The following MDN1 variants were observed in gnomAD, a reference collection of about 807,000 sequenced individuals.
MDN1 encodes midasin AAA ATPase 1.
MDN1 carries 266 observed loss-of-function variants against 669.2 expected under a neutral mutation model. That is an observed-to-expected ratio of 0.40 (90% confidence interval 0.36 to 0.44). The LOEUF (loss-of-function observed/expected upper bound fraction) is 0.44. MDN1 is among the 20% of genes least tolerant of loss of function. MDN1 has a pLI of 1.00. For synonymous variants in MDN1, 2,385 were observed against 2,457.1 expected (o/e 0.97, Z 0.87); for missense variants, 5,940 against 6,754.0 (o/e 0.88, Z 4.22).
chr6:89,659,980 C>G (rs142832513), intron 88 of MDN1, among the ~76,000 whole-genome samples: 1 of 152,226 alleles, frequency 6.6e-6, no homozygotes, highest in African/African-American at 2.4e-5. Flanking sequence ...CTCTGCCTCC[C>G]GGGTTCAAGC....
At position 89,754,103 on chromosome 6, in the gene MDN1, T is replaced by C; in HGVS notation, c.2944A>G (p.Ile982Val). 2 of 1,614,030 alleles carry C rather than the reference T, an allele frequency of 1.2e-6. No individual in the cohort carries two copies. The highest frequency in any genetic ancestry group is 8.5e-7 in the Non-Finnish European group (1 of 1,179,972). Residue 982 changes from isoleucine (I) to valine (V), a missense_variant, in exon 21 of 102, where the codon ATT becomes GTT. Ile to Val is a conservative substitution (Grantham distance 29). This residue lies in a region of MDN1 where 1,203 missense variants were observed against 1,268.9 expected (regional missense o/e 0.95). Transcript: ENST00000369393. ...AAGACCTCATAGAGTGAGCGCTGAA[T>C]GTTGCCACATGGATTGGAGGCTGCA... Reference protein sequence around the residue: ...RFAASNPCGNIQRSLYEGFCL... With the variant: ...RFAASNPCGNVQRSLYEGFCL...
intron 61 of MDN1, among the ~76,000 whole-genome samples, chr6:89,694,910 T>C (rs1812629872): frequency 6.6e-6 from 1 of 152,108 alleles, no homozygotes; most frequent in African/African-American, 2.4e-5. Context: ...ATTCCTAGGA[T>C]ATAGGGATAC....
At chr6:89,688,040 A>C in intron 67 of MDN1, 38 bp downstream of exon 67, 1 of 1,542,648 alleles carries the variant, frequency 6.5e-7, no homozygotes, top group Non-Finnish European at 9.0e-7. Context: ...TTGCCAACTG[A>C]CCACCAACTA....
intron 1 of MDN1, among the ~76,000 whole-genome samples, chr6:89,810,009 A>ATAAT (rs1280126995): frequency 6.8e-6 from 1 of 146,098 alleles, no homozygotes; most frequent in Non-Finnish European, 1.5e-5. Flanking sequence ...AAAAAAAAAA[A>ATAAT]AAAAAAAAAA....
In MDN1 at chr6:89,695,809, C is replaced by T. The variant is rs1450242529; in HGVS notation, c.9567G>A (p.Leu3189=). 2 of 1,613,730 alleles carry T rather than the reference C, an allele frequency of 1.2e-6. No homozygotes were observed. Among genetic ancestry groups the T allele is most frequent in the Non-Finnish European group, 1.7e-6 (2 of 1,180,014 alleles). Residue 3189 remains leucine (L), a synonymous_variant, in exon 61 of 102, where the codon CTG becomes CTA. Coordinates refer to ENST00000369393, the MANE Select transcript of MDN1 (RefSeq NM_014611.3). The surrounding 1 kb of genome is among the most constrained non-coding windows in gnomAD (Gnocchi z 4.1). ...GCAACTGGCAGAGCAGTTCCTTGGGCAGCACCTCCTGACCAGCCATGTCCC... is the reference window on the plus strand; with the variant it reads ...GCAACTGGCAGAGCAGTTCCTTGGGTAGCACCTCCTGACCAGCCATGTCCC... ...TLGDMAGQEV[L]PKELLCQLLT...
chr6:89,807,994 T>C (rs1190096087), intron 1 of MDN1, among the ~76,000 whole-genome samples: 1 of 152,156 alleles, frequency 6.6e-6, no homozygotes, highest in African/African-American at 2.4e-5. Flanking sequence ...TTTTATGTTT[T>C]TGAGAGTGAC....
intron 1 of MDN1, among the ~76,000 whole-genome samples, chr6:89,813,393 T>C (rs1156677108): frequency 4.0e-5 from 6 of 151,714 alleles, no homozygotes; most frequent in African/African-American, 1.5e-4. Flanking sequence ...CTACTAAAAA[T>C]ACAAAAAATT....
rs185148308 is a variant in MDN1, at chr6:89,659,783, T to C, written c.14714-866A>G. 2.2e-3 allele frequency among the ~76,000 whole-genome samples: 336 copies of C among 152,354 alleles called. 1 individual carries two copies. Among genetic ancestry groups the C allele is most frequent in the African/African-American group, 8.0e-3 (331 of 41,586 alleles). ...ACAGAAAATACAACTCACACTGAAA[T>C]AGAAACACTCTTATTTTGAAAAAGT... On this transcript the variant is annotated intron_variant, in intron 88 of 101. Coordinates refer to ENST00000369393, the MANE Select transcript of MDN1 (RefSeq NM_014611.3).
rs754250790 is a variant in MDN1 at position 89,652,992 on chromosome 6, C to T, written c.15825G>A (p.Gln5275=). The T allele has an allele frequency of 6.2e-6, 10 of 1,612,222 alleles. No individual in the cohort carries two copies. Among genetic ancestry groups the T allele is most frequent in the Non-Finnish European group, 8.5e-6 (10 of 1,179,514 alleles). Residue 5275 remains glutamine, a splice_region_variant and synonymous_variant, in exon 94 of 102, where the codon CAG becomes CAA. Coordinates refer to ENST00000369393, the MANE Select transcript of MDN1 (RefSeq NM_014611.3). The stretch of plus-strand genomic sequence containing the variant: ...TGCAGTAATTTGTGAGTTTTACTAC[C>T]TGGAAGATCGTGTCCATGAGGAATT... ...AHQFLMDTIF[Q]PFLKDVNELR...
intron 82 of MDN1, 47 bp downstream of exon 82, chr6:89,672,153 T>C (rs1427186828): frequency 1.3e-6 from 2 of 1,514,768 alleles, no homozygotes; most frequent in African/African-American, 2.8e-5. Context: ...CTGCCTTTGC[T>C]CAGTGCATTC....
chr6:89,750,527 T>C lies in MDN1; in HGVS notation c.3233A>G (p.Tyr1078Cys), dbSNP rs1816884425. Residue 1078 changes from tyrosine (Y) to cysteine (C), a missense_variant, in exon 24 of 102, where the codon TAT becomes TGT. By Grantham distance (194) the Tyr-to-Cys change is radical (BLOSUM62 -2). Around this residue, in one of 5 missense-constraint regions of MDN1, gnomAD observed 15 missense variants for 36.2 expected, o/e 0.41. Transcript: ENST00000369393. ...DIVRVVSAGT[Y>C]PVLIQGETSV... ...TGTCTCTCCCTGAATCAGCACTGGA[T>C]AGGTTCTGTAAAAGATTAGCCAATT... 6.2e-7 allele frequency: 1 copy of C among 1,603,620 alleles called. No individual in the cohort carries two copies. The highest frequency in any genetic ancestry group is 8.5e-7 in the Non-Finnish European group (1 of 1,172,224).
chr6:89,686,917 T>G lies in MDN1; in HGVS notation c.11557A>C (p.Thr3853Pro), dbSNP rs1812052438. The change falls in exon 69 of 102, where the codon ACA (threonine) becomes CCA (proline). Residue 3853 changes from threonine to proline, a missense_variant. Coordinates refer to ENST00000369393, the MANE Select transcript of MDN1 (RefSeq NM_014611.3). ...TAGGCATTACCTTCCTGTTCTTCTG[T>G]TTGTTCCTGCATGTGCTTCTCAAGC... ...QMLEKHMQEQ[T>P]EEQEDDKQMT... 5 of 1,613,700 alleles carry G rather than the reference T, an allele frequency of 3.1e-6. No homozygotes were observed. The highest frequency in any genetic ancestry group is 3.3e-5 in the Admixed American group (2 of 59,926).
At position 89,727,926 on chromosome 6, in the gene MDN1, T is replaced by C. The variant is rs776192588; in HGVS notation, c.5379A>G (p.Leu1793=). 7 of 1,613,896 alleles carry C rather than the reference T, an allele frequency of 4.3e-6. No individual in the cohort carries two copies. In the East Asian group the frequency reaches 1.3e-4, roughly 31 times the overall value. ...CTCCTCCCTTGCCACCTTCAACAGG[T>C]AGATCTGCTCCAAACAGGTCTGTGA... The part of the protein sequence containing the change: ...TDITDLFGAD[L]PVEGGKGGEF... The change falls in exon 37 of 102, where the codon CTA becomes CTG. Residue 1793 remains leucine, a synonymous_variant. Transcript: ENST00000369393.
chr6:89,709,026 CCTCA>C (rs1813707596), intron 50 of MDN1, among the ~76,000 whole-genome samples: 2 of 150,992 alleles, frequency 1.3e-5, no homozygotes, highest in South Asian at 2.1e-4. Flanking sequence ...AATAAATACA[CCTCA>C]CTATCTGTTT....
At chr6:89,744,701 C>A (rs9353694) in intron 29 of MDN1, among the ~76,000 whole-genome samples, 15 of 151,722 alleles carry the variant, frequency 9.9e-5, no homozygotes. Context: ...CCACAACCAG[C>A]TGAGACTCTG....
intron 58 of MDN1, 83 bp downstream of exon 58, chr6:89,699,513 TAAATA>T (rs1161508005): frequency 5.6e-6 from 8 of 1,432,386 alleles, no homozygotes; most frequent in Non-Finnish European, 4.7e-6. Context: ...ATTTTGAGAA[TAAATA>T]AAATGTTTCC....
intron 33 of MDN1, among the ~76,000 whole-genome samples, chr6:89,736,939 C>T (rs2128316227): frequency 6.6e-6 from 1 of 152,272 alleles, no homozygotes; most frequent in Middle Eastern, 3.4e-3. Context: ...AGTGGCATCA[C>T]CTGAGGCTTT....
At chr6:89,752,476 T>G (rs1375010691) in intron 22 of MDN1, among the ~76,000 whole-genome samples, 2 of 152,240 alleles carry the variant, frequency 1.3e-5, no homozygotes, top group African/African-American at 2.4e-5. Flanking sequence ...CCAAGGGCTC[T>G]CTCTTCCTAA....
In MDN1 at chr6:89,695,590, T is replaced by A. The variant is rs376142404; in HGVS notation, c.9771+15A>T. On this transcript the variant is annotated intron_variant, in intron 61 of 101. Coordinates refer to ENST00000369393, the MANE Select transcript of MDN1 (RefSeq NM_014611.3). This position sits in a 1 kb window ranked among gnomAD's most constrained non-coding sequence, Gnocchi z 4.1. ...CAGGGAAGGAGCCCATGCTCCATAC[T>A]CTTGCCTCCCATACCTCTTCCTTGA... 11 of 1,572,266 alleles carry A rather than the reference T, an allele frequency of 7.0e-6. No individual in the cohort carries two copies. The African/African-American group carries it at 1.5e-4, about 21-fold the overall frequency.
Sources: gnomAD v4.1 joint callset for allele counts (sites outside exome capture counted in the v4.1 genomes callset) on GRCh38, gnomAD v4.1.1 for gene constraint, gnomAD v4.1.1 regional missense constraint, Gnocchi (gnomAD v3.1) non-coding constraint, MANE v1.5 for transcripts, NCBI Gene and HGNC (gene_info 2026-07-23, HGNC 2026-07-21) for gene names.